ZBBX: variants seen among roughly 807,000 people sequenced by gnomAD.
The protein encoded by ZBBX is zinc finger B-box domain-containing protein 1.
In ZBBX, 101 loss-of-function variants were observed where a neutral mutation model predicts 108.5. That is an observed-to-expected ratio of 0.93 (90% CI 0.79 to 1.10). ZBBX has a LOEUF of 1.10. Ranked by LOEUF, ZBBX falls within the 50% of genes least tolerant of loss-of-function variation. The pLI is 0.00. For synonymous variants in ZBBX, 356 were observed against 323.4 expected, an observed-to-expected ratio of 1.10 and a Z score of -1.08; for missense variants, 1,009 against 941.4, an observed-to-expected ratio of 1.07 and a Z score of -0.94.
chr3:167,268,731 G>C (rs1726012767), intron 20 of ZBBX, among the ~76,000 whole-genome samples: 1 of 152,090 alleles, frequency 6.6e-6, no homozygotes, highest in South Asian at 2.1e-4. Flanking sequence ...TTAGAAAATT[G>C]GGAAGACCGA....
chr3:167,290,378 T>C (rs1039948261), intron 18 of ZBBX, among the ~76,000 whole-genome samples: 1 of 152,328 alleles, frequency 6.6e-6, no homozygotes, highest in South Asian at 2.1e-4. Flanking sequence ...ATCTTTGCTG[T>C]TCTGCAGCCT....
chr3:167,241,552 C>T (rs1204670297), intron 21 of ZBBX, among the ~76,000 whole-genome samples: 3 of 152,076 alleles, frequency 2.0e-5, no homozygotes, highest in African/African-American at 7.2e-5. Flanking sequence ...AAATATCAAT[C>T]TTACATTGAT....
intron 17 of ZBBX, among the ~76,000 whole-genome samples, chr3:167,299,489 G>GT (rs2108188120): frequency 6.6e-6 from 1 of 152,158 alleles, no homozygotes; most frequent in South Asian, 2.1e-4. Flanking sequence ...ATCTGGAAGA[G>GT]TTTTGAATGT....
At chr3:167,254,918 G>GAGAATGAGAGAGGGAGAGAA (rs1304872203) in intron 20 of ZBBX, among the ~76,000 whole-genome samples, 1 of 151,598 alleles carries the variant, frequency 6.6e-6, no homozygotes, top group African/African-American at 2.4e-5. Flanking sequence ...GAGAGAGAGA[G>GAGAATGAGAGAGGGAGAGAA]AAAGGGAGAG....
intron 1 of ZBBX, among the ~76,000 whole-genome samples, chr3:167,388,024 T>C (rs1457086834): frequency 6.6e-6 from 1 of 152,020 alleles, no homozygotes; most frequent in Non-Finnish European, 1.5e-5. Context: ...TTTCATTAAG[T>C]TTCTATTGTA....
At chr3:167,263,865 C>A (rs1725019354) in intron 20 of ZBBX, among the ~76,000 whole-genome samples, 1 of 152,144 alleles carries the variant, frequency 6.6e-6, no homozygotes, top group Admixed American at 6.5e-5. Flanking sequence ...CTCTTTAGTT[C>A]TAATAATATT....
At chr3:167,249,911 A>C (rs574434977) in intron 20 of ZBBX, among the ~76,000 whole-genome samples, 1 of 152,266 alleles carries the variant, frequency 6.6e-6, no homozygotes, top group Non-Finnish European at 1.5e-5. Flanking sequence ...GGAAAAGAAG[A>C]CACTTTCAGG....
intron 16 of ZBBX, among the ~76,000 whole-genome samples, chr3:167,313,088 G>A (rs907158528): frequency 6.6e-6 from 1 of 152,122 alleles, no homozygotes. Flanking sequence ...TTCAAGGTCA[G>A]ACAGTGATTT....
the ZBBX span, among the ~76,000 whole-genome samples, chr3:167,210,001 A>C: frequency 4.6e-5 from 7 of 152,148 alleles, no homozygotes; most frequent in Admixed American, 6.5e-5. Context: ...GAGGCATGAG[A>C]ATTGCTTGAA....
intron 1 of ZBBX, among the ~76,000 whole-genome samples, chr3:167,391,737 T>C (rs535422036): frequency 6.6e-6 from 1 of 151,886 alleles, no homozygotes; most frequent in Admixed American, 6.6e-5. Flanking sequence ...TATTCAGATA[T>C]ATATACTTTA....
the ZBBX span, among the ~76,000 whole-genome samples, chr3:167,183,271 C>A: frequency 2.0e-5 from 3 of 152,198 alleles, no homozygotes; most frequent in African/African-American, 7.2e-5. Flanking sequence ...ACTTGTCCCA[C>A]TATTACCCTG....
chr3:167,363,780 T>C (rs1295463418), intron 6 of ZBBX, among the ~76,000 whole-genome samples: 1 of 152,112 alleles, frequency 6.6e-6, no homozygotes, highest in East Asian at 1.9e-4. Flanking sequence ...TCTTTACTCA[T>C]TGCTTCCCAC....
At chr3:167,181,243 A>G in the ZBBX span, among the ~76,000 whole-genome samples, 13 of 152,022 alleles carry the variant, frequency 8.6e-5, no homozygotes, top group Admixed American at 3.3e-4. Flanking sequence ...TTCATCAATC[A>G]TATGTTGACT....
the ZBBX span, among the ~76,000 whole-genome samples, chr3:167,226,552 T>C: frequency 6.6e-6 from 1 of 151,748 alleles, no homozygotes; most frequent in Admixed American, 6.6e-5. Context: ...ATTTTCTATA[T>C]AGAAAATCTG....
intron 8 of ZBBX, among the ~76,000 whole-genome samples, chr3:167,354,766 A>G (rs1743244076): frequency 6.6e-6 from 1 of 151,960 alleles, no homozygotes; most frequent in Non-Finnish European, 1.5e-5. Flanking sequence ...TTTTTACACT[A>G]TAATGCAGAA....
the ZBBX span, among the ~76,000 whole-genome samples, chr3:167,193,714 G>A: frequency 6.6e-6 from 1 of 152,012 alleles, no homozygotes; most frequent in Non-Finnish European, 1.5e-5. Context: ...GCCAAAATAT[G>A]GAATTAACCT....
intron 19 of ZBBX, among the ~76,000 whole-genome samples, chr3:167,284,257 T>C (rs1231297172): frequency 6.6e-6 from 1 of 151,504 alleles, no homozygotes; most frequent in Non-Finnish European, 1.5e-5. Context: ...TGATTTCCTC[T>C]TTTATCTATA....
chr3:167,338,502 CAT>C (rs1739962626), intron 9 of ZBBX, among the ~76,000 whole-genome samples: 1 of 150,540 alleles, frequency 6.6e-6, no homozygotes. Flanking sequence ...ATCATGTTGA[CAT>C]AGCCATATCT....
At chr3:167,389,806 C>T (rs1748036591) in intron 1 of ZBBX, among the ~76,000 whole-genome samples, 1 of 135,320 alleles carries the variant, frequency 7.4e-6, no homozygotes. Context: ...ATCCTTCACC[C>T]ACTTTTTGAT....
Sources: gnomAD v4.1 joint callset for allele counts (sites outside exome capture counted in the v4.1 genomes callset) on GRCh38, gnomAD v4.1.1 for gene constraint, MANE v1.5 for transcripts, NCBI Gene and HGNC (gene_info 2026-07-23, HGNC 2026-07-21) for gene names.